Variants in STRN3 observed in about 807,000 individuals in gnomAD.
STRN3 encodes striatin-3.
Under a neutral mutation model 95.6 loss-of-function variants are expected in STRN3, and 29 were observed. The ratio of observed to expected loss-of-function variants is 0.30; its 90% confidence interval spans 0.23 to 0.41. STRN3 has a LOEUF of 0.41. Among genes scored for constraint, STRN3 ranks in the 10% least tolerant of loss-of-function variants. STRN3 has a pLI of 1.00. For missense variants in STRN3, 890 were observed against 972.1 expected (o/e 0.92, Z 1.12); for synonymous variants, 331 against 357.6 (o/e 0.93, Z 0.84).
At chr14:30,976,703 C>G (rs1234794864) in intron 1 of STRN3, among the ~76,000 whole-genome samples, 1 of 152,180 alleles carries the variant, frequency 6.6e-6, no homozygotes, top group African/African-American at 2.4e-5. Flanking sequence ...ATCTAAAAAT[C>G]AGTAACAGAA....
chr14:31,025,046 T>A (rs1883729922), intron 1 of STRN3: 1 of 152,204 alleles, frequency 6.6e-6, no homozygotes, highest in Non-Finnish European at 1.5e-5. Flanking sequence ...ACATCTCACT[T>A]TGCTTCTCCT....
At position 30,939,764 on chromosome 14, in the gene STRN3, C is replaced by T. The variant is rs894754813; in HGVS notation, c.717-3140G>A. Among the ~76,000 whole-genome samples, 21 of 152,194 alleles carry T rather than the reference C, an allele frequency of 1.4e-4. No individual in the cohort carries two copies. In the East Asian group the frequency reaches 3.9e-3, roughly 28 times the overall value. The stretch of plus-strand genomic sequence containing the variant: ...ATTTTTAAACTTATTTTTAAAGAAG[C>T]TTCCCTTTGTTATTTACCCTATTTT... On this transcript the variant is annotated intron_variant, in intron 5 of 17. Transcript: ENST00000357479.
chr14:31,002,220 T>C (rs1882493377), intron 1 of STRN3, among the ~76,000 whole-genome samples: 1 of 130,476 alleles, frequency 7.7e-6, no homozygotes, highest in Non-Finnish European at 1.6e-5. Flanking sequence ...ACACCTGTAA[T>C]CCCAGCAATT....
chr14:30,899,798 A>G (rs1896255631), intron 16 of STRN3, among the ~76,000 whole-genome samples: 1 of 151,672 alleles, frequency 6.6e-6, no homozygotes, highest in African/African-American at 2.4e-5. Context: ...ATCAGGAACC[A>G]TATCTTATAC....
chr14:30,930,266 A>T (rs1474851196), intron 7 of STRN3, among the ~76,000 whole-genome samples: 1 of 152,120 alleles, frequency 6.6e-6, no homozygotes, highest in African/African-American at 2.4e-5. Context: ...TGTGGTTTTA[A>T]AACAGCTCAT....
chr14:30,976,310 C>T (rs1881102405), intron 1 of STRN3, among the ~76,000 whole-genome samples: 1 of 152,124 alleles, frequency 6.6e-6, no homozygotes, highest in South Asian at 2.1e-4. Flanking sequence ...GGATAATTAT[C>T]CAGGATAAAG....
intron 1 of STRN3, among the ~76,000 whole-genome samples, chr14:31,006,152 C>CA (rs1017769350): frequency 9.7e-5 from 14 of 144,504 alleles, no homozygotes; most frequent in Middle Eastern, 3.3e-3. Flanking sequence ...AAACAAACAA[C>CA]AAAAAAAGGC....
At chr14:30,931,117 GA>G (rs1026541671) in intron 7 of STRN3, among the ~76,000 whole-genome samples, 5 of 151,956 alleles carry the variant, frequency 3.3e-5, no homozygotes, top group African/African-American at 1.2e-4. Flanking sequence ...TAAGCTTAAG[GA>G]AAAAAATATT....
intron 1 of STRN3, among the ~76,000 whole-genome samples, chr14:30,988,544 T>A (rs992532647): frequency 6.6e-6 from 1 of 152,076 alleles, no homozygotes; most frequent in Non-Finnish European, 1.5e-5. Flanking sequence ...ACAGCAAAAC[T>A]TGGTTGGAAT....
rs561972377 is a variant in STRN3 at position 30,924,122 on chromosome 14, A to C, written c.1100-5016T>G. On this transcript the variant is annotated intron_variant, in intron 8 of 17. Transcript: ENST00000357479. ...CTTACTTCTTGATTTTCATGACTGT[A>C]CTGTGGTCATACATGAGAGTATCTT... is the stretch of plus-strand genomic sequence containing the variant. 2.0e-5 allele frequency among the ~76,000 whole-genome samples: 3 copies of C among 150,998 alleles called. No individual in the cohort carries two copies. The South Asian group carries it at 6.3e-4, about 32-fold the overall frequency.
chr14:30,980,565 G>A (rs1212963093), intron 1 of STRN3, among the ~76,000 whole-genome samples: 5 of 151,712 alleles, frequency 3.3e-5, no homozygotes, highest in Non-Finnish European at 4.4e-5. Flanking sequence ...CCGCCACCAC[G>A]CCCAGCTAAT....
At chr14:30,923,608 T>C (rs570091170) in intron 8 of STRN3, among the ~76,000 whole-genome samples, 3 of 152,242 alleles carry the variant, frequency 2.0e-5, no homozygotes, top group Non-Finnish European at 4.4e-5. Flanking sequence ...TCCCCAAATA[T>C]GAATTTTTAA....
intron 1 of STRN3, among the ~76,000 whole-genome samples, chr14:30,960,261 A>G (rs904721223): frequency 6.6e-6 from 1 of 152,132 alleles, no homozygotes; most frequent in South Asian, 2.1e-4. Flanking sequence ...GTACTGCTTG[A>G]GCCCAGGAGG....
rs1191963792 is a variant in STRN3, at chr14:30,929,954, C to CAAAAAAAAAAAAAAAAAAAAAA, written c.989-665_989-644dup. ...TCCATTGGTCTACAACTAAGATTAGCAAAAAAAAAAAAAAAAAAAAAAAAA... is the reference window on the plus strand; with the variant it reads ...TCCATTGGTCTACAACTAAGATTAGCAAAAAAAAAAAAAAAAAAAAAAAAAAAAAAAAAAAAAAAAAAAAAAA... On this transcript the variant is annotated intron_variant, in intron 7 of 17. Coordinates refer to ENST00000357479, the MANE Select transcript of STRN3 (RefSeq NM_001083893.2). 8.5e-4 allele frequency among the ~76,000 whole-genome samples: 34 copies of CAAAAAAAAAAAAAAAAAAAAAA among 39,992 alleles called. 3 individuals are homozygous for CAAAAAAAAAAAAAAAAAAAAAA. Among genetic ancestry groups the CAAAAAAAAAAAAAAAAAAAAAA allele is most frequent in the African/African-American group, 1.6e-3 (13 of 8,056 alleles). The allele number at this position is 39,992 out of a possible 152,430, so 26.2% of individuals were successfully genotyped here.
Position 31,026,083 on chromosome 14 carries a change from T to TC in STRN3, c.102dup (p.Asn35GlufsTer111). On this transcript the variant is annotated frameshift_variant, in exon 1 of 18. Coordinates refer to ENST00000357479, the MANE Select transcript of STRN3 (RefSeq NM_001083893.2). LOFTEE classifies it high-confidence loss of function. The stretch of plus-strand genomic sequence containing the variant: ...GGACCCCCGCCGCCCGCCGCTCCGT[T>TC]CCCCCCGGGCGAAAGGCCCAGGTTC... 1.3e-6 allele frequency: 2 copies of TC among 1,527,942 alleles called. No individual in the cohort carries two copies. The highest frequency in any genetic ancestry group is 1.2e-5 in the South Asian group (1 of 82,802). 94.6% of individuals were successfully genotyped at this position (1,527,942 alleles called of 1,614,324 possible).
chr14:31,025,693 G>A (rs1566502511), intron 1 of STRN3: 1 of 728,186 alleles, frequency 1.4e-6, no homozygotes, highest in Non-Finnish European at 2.2e-6. Context: ...GCACCGCGTA[G>A]CCAGTGAAGG....
chr14:30,916,638 C>T (rs1896748126), intron 9 of STRN3, among the ~76,000 whole-genome samples: 1 of 151,916 alleles, frequency 6.6e-6, no homozygotes, highest in South Asian at 2.1e-4. Flanking sequence ...CTATGTTGCC[C>T]AGGCTGGTCT....
chr14:30,972,471 C>A (rs747230832), intron 1 of STRN3, among the ~76,000 whole-genome samples: 3 of 152,040 alleles, frequency 2.0e-5, no homozygotes, highest in Non-Finnish European at 2.9e-5. Flanking sequence ...AAGGGCGCAC[C>A]CTTCTATACA....
At chr14:31,016,310 A>G (rs183680991) in intron 1 of STRN3, among the ~76,000 whole-genome samples, 2 of 152,254 alleles carry the variant, frequency 1.3e-5, no homozygotes, top group South Asian at 2.1e-4. Context: ...TAACCAAGAT[A>G]CCCTCCAAAA....
Sources: allele counts gnomAD v4.1 joint callset (sites outside exome capture counted in the v4.1 genomes callset), GRCh38; gene constraint gnomAD v4.1.1; transcripts MANE v1.5; gene names NCBI Gene and HGNC (gene_info 2026-07-23, HGNC 2026-07-21).